The following SLC22A8 variants were observed in gnomAD, a reference collection of about 807,000 sequenced individuals.
SLC22A8 encodes organic anion transporter 3.
In SLC22A8, 40 loss-of-function variants were observed where a neutral mutation model predicts 48.4. The ratio of observed to expected loss-of-function variants is 0.83; its 90% confidence interval spans 0.64 to 1.08. The LOEUF (loss-of-function observed/expected upper bound fraction) is 1.08. SLC22A8 is among the 50% of genes least tolerant of loss of function. SLC22A8 has a pLI of 0.00. For missense variants in SLC22A8, 606 were observed against 699.0 expected, an observed-to-expected ratio of 0.87 and a Z score of 1.50; for synonymous variants, 268 against 286.3, an observed-to-expected ratio of 0.94 and a Z score of 0.65.
At chr11:63,000,480 G>A (rs112251597) in intron 3 of SLC22A8, among the ~76,000 whole-genome samples, 3,483 of 134,946 alleles carry the variant, frequency 0.026, 54 homozygotes, top group Non-Finnish European at 0.039. Flanking sequence ...GTGAGACTCC[G>A]TCTTAAGAGA....
At chr11:62,995,193 T>C (rs1356457340) in intron 7 of SLC22A8, 2 of 242,010 alleles carry the variant, frequency 8.3e-6, no homozygotes, top group Non-Finnish European at 1.6e-5. Flanking sequence ...CCTGGACAAA[T>C]TGAATCCTAT....
rs1449751340 is a variant in SLC22A8, at chr11:62,995,948, G to A, written c.885+81C>T. 5.6e-6 allele frequency: 9 copies of A among 1,594,656 alleles called. No individual in the cohort carries two copies. The African/African-American group carries it at 1.2e-4, about 21-fold the overall frequency. ...AGATGTGGTATAGGCTGTGAGCCAGGGGAACAGAGGCAAGGGGAGGGGCCA... is the reference window on the plus strand; with the variant it reads ...AGATGTGGTATAGGCTGTGAGCCAGAGGAACAGAGGCAAGGGGAGGGGCCA... On this transcript the variant is annotated intron_variant, in intron 6 of 10. Coordinates refer to ENST00000336232, the MANE Select transcript of SLC22A8 (RefSeq NM_004254.4).
chr11:62,999,287 C>G lies in SLC22A8; in HGVS notation c.593-198G>C, dbSNP rs1247746361. The G allele has an allele frequency of 7.1e-6, 4 of 561,028 alleles. No homozygotes were observed. In the African/African-American group the frequency reaches 7.5e-5, roughly 10 times the overall value. 34.8% of individuals were successfully genotyped at this position (561,028 alleles called of 1,614,324 possible). A position where few individuals can be genotyped will look rare whatever the true frequency, so the allele number is the denominator to read the frequency against. ...CATCCCCATTTTACAGATGCCACAG[C>G]TGAGGCTCAAGGCGATAGGACTCAA... is the stretch of plus-strand genomic sequence containing the variant. On this transcript the variant is annotated intron_variant, in intron 4 of 10. Coordinates refer to ENST00000336232, the MANE Select transcript of SLC22A8 (RefSeq NM_004254.4).
Position 62,993,615 on chromosome 11 carries a change from C to A in SLC22A8, c.1338G>T (p.Met446Ile), listed in dbSNP as rs746461594. Reference sequence around the variant, plus strand: ...CGCGGGTCCACAGGTTACTTACGCCCATACCTGTTTGCCTGCGAGGGTTCA... The same window carrying A: ...CGCGGGTCCACAGGTTACTTACGCCAATACCTGTTTGCCTGCGAGGGTTCA... ...LYPTVIRQTG[M>I]GVSNLWTRVG... The change falls in exon 10 of 11, where the codon ATG becomes ATT. Residue 446 changes from methionine (M) to isoleucine (I), a missense_variant. Transcript: ENST00000336232. 14 of 1,608,066 alleles carry A rather than the reference C, an allele frequency of 8.7e-6. No individual in the cohort carries two copies. The East Asian group carries it at 2.9e-4, about 33-fold the overall frequency.
At chr11:62,999,494 C>T in intron 4 of SLC22A8, 194 bp downstream of exon 4, 1 of 481,084 alleles carries the variant, frequency 2.1e-6, no homozygotes, top group Non-Finnish European at 3.7e-6. Flanking sequence ...GGTAAGTCCT[C>T]AGTATTGACA....
At chr11:63,010,664 T>A (rs762228592) in intron 2 of SLC22A8, among the ~76,000 whole-genome samples, 1 of 152,132 alleles carries the variant, frequency 6.6e-6, no homozygotes, top group Non-Finnish European at 1.5e-5. Flanking sequence ...GTTCTAGGGA[T>A]CTGGCACCTG....
chr11:63,000,949 G>A, intron 2 of SLC22A8, 126 bp from the exon 3 acceptor site: 2 of 701,436 alleles, frequency 2.9e-6, no homozygotes, highest in South Asian at 3.3e-5. Flanking sequence ...TACCTCCCAA[G>A]GACCGTTTCC....
chr11:63,007,672 C>T (rs1205839610), intron 2 of SLC22A8, among the ~76,000 whole-genome samples: 9 of 152,066 alleles, frequency 5.9e-5, no homozygotes, highest in Admixed American at 5.2e-4. Flanking sequence ...GGAATGTAGC[C>T]GAGCCCCAAG....
At chr11:63,001,029 G>C (rs1285826974) in intron 2 of SLC22A8, 6 of 544,360 alleles carry the variant, frequency 1.1e-5, no homozygotes, top group African/African-American at 1.9e-5. Context: ...CATCCCTCAG[G>C]CATGTGTGGC....
chr11:63,007,560 C>T (rs915702848), intron 2 of SLC22A8, among the ~76,000 whole-genome samples: 4 of 152,180 alleles, frequency 2.6e-5, no homozygotes, highest in African/African-American at 9.7e-5. Context: ...CTCCTGACCT[C>T]AGGTGATCCA....
intron 2 of SLC22A8, among the ~76,000 whole-genome samples, chr11:63,001,236 TTC>T (rs1347398995): frequency 2.0e-5 from 3 of 152,174 alleles, no homozygotes; most frequent in Non-Finnish European, 4.4e-5. Context: ...GCCACCTCTC[TTC>T]ATCCTGCAGA....
At chr11:63,007,739 G>A (rs770677403) in intron 2 of SLC22A8, among the ~76,000 whole-genome samples, 5 of 152,280 alleles carry the variant, frequency 3.3e-5, no homozygotes, top group Admixed American at 6.5e-5. Context: ...TTTCTGTATG[G>A]GCTGATGCAT....
At position 62,993,134 on chromosome 11, in the gene SLC22A8, G is replaced by C; in HGVS notation, c.*103C>G. The C allele has an allele frequency of 1.3e-6, 1 of 799,948 alleles. No individual in the cohort carries two copies. The highest frequency in any genetic ancestry group is 2.0e-6 in the Non-Finnish European group (1 of 501,490). 49.6% of individuals were successfully genotyped at this position (799,948 alleles called of 1,614,324 possible). ...GACACCTTCACCAAGCTCTCAGAAG[G>C]CTTCATCCTAGGAGGATGGACCTAT... On this transcript the variant is annotated 3_prime_UTR_variant, in exon 11 of 11. Transcript: ENST00000336232.
intron 2 of SLC22A8, among the ~76,000 whole-genome samples, chr11:63,014,384 G>A (rs1486716028): frequency 6.6e-6 from 1 of 152,158 alleles, no homozygotes; most frequent in Non-Finnish European, 1.5e-5. Context: ...GCTTAGCTCT[G>A]TGCCCGTCAC....
chr11:62,994,849 C>T (rs2086396102), intron 7 of SLC22A8, 93 bp from the exon 8 acceptor site: 2 of 950,404 alleles, frequency 2.1e-6, no homozygotes, highest in African/African-American at 1.6e-5. Context: ...TGAATAGCTT[C>T]ACTTCTTGTG....
chr11:63,007,198 G>A (rs558099130), intron 2 of SLC22A8, among the ~76,000 whole-genome samples: 29 of 152,340 alleles, frequency 1.9e-4, no homozygotes, highest in Non-Finnish European at 3.2e-4. Context: ...AGAGAGGGAA[G>A]AAAGGCAACT....
At chr11:63,002,227 TA>T (rs992815454) in intron 2 of SLC22A8, among the ~76,000 whole-genome samples, 29 of 152,148 alleles carry the variant, frequency 1.9e-4, no homozygotes, top group African/African-American at 3.1e-4. Context: ...TATTTTTATT[TA>T]AAAAAAATTA....
In SLC22A8 at chr11:62,993,030, G is replaced by A; in HGVS notation, c.*207C>T. 2 of 584,668 alleles carry A rather than the reference G, an allele frequency of 3.4e-6. No homozygotes were observed. The highest frequency in any genetic ancestry group is 4.4e-5 in the South Asian group (2 of 45,716). 36.2% of individuals were successfully genotyped at this position (584,668 alleles called of 1,614,324 possible). On this transcript the variant is annotated 3_prime_UTR_variant, in exon 11 of 11. Coordinates refer to ENST00000336232, the MANE Select transcript of SLC22A8 (RefSeq NM_004254.4). ...ACAGAAGAATGGCAGGGCCTGGGTT[G>A]CAGGGAGAACAAGGGCAGGGATGGC...
chr11:62,998,097 A>G (rs1156742878), intron 5 of SLC22A8, among the ~76,000 whole-genome samples: 1 of 152,104 alleles, frequency 6.6e-6, no homozygotes, highest in African/African-American at 2.4e-5. Flanking sequence ...GATTACAGGC[A>G]TGCGCCACCA....
Sources: gnomAD v4.1 joint callset for allele counts (sites outside exome capture counted in the v4.1 genomes callset) on GRCh38, gnomAD v4.1.1 for gene constraint, MANE v1.5 for transcripts, NCBI Gene and HGNC (gene_info 2026-07-23, HGNC 2026-07-21) for gene names.